NECAB1: variants seen among roughly 807,000 people sequenced by gnomAD.
NECAB1 encodes N-terminal EF-hand calcium binding protein 1.
NECAB1 carries 29 observed loss-of-function variants against 57.5 expected under a neutral mutation model. That is an observed-to-expected ratio of 0.50 (90% confidence interval 0.38 to 0.69). The LOEUF (loss-of-function observed/expected upper bound fraction) is 0.69. Ranked by LOEUF, NECAB1 falls within the 30% of genes least tolerant of loss-of-function variation. The probability of loss-of-function intolerance (pLI) is 0.00; values close to 1 mark genes in which losing one functional copy is unlikely to be tolerated. For missense variants in NECAB1, 372 were observed against 413.8 expected (o/e 0.90, Z 0.88); for synonymous variants, 142 against 147.7 (o/e 0.96, Z 0.28).
chr8:90,874,593 T>G (rs1808680436), intron 4 of NECAB1, among the ~76,000 whole-genome samples: 1 of 152,184 alleles, frequency 6.6e-6, no homozygotes, highest in Non-Finnish European at 1.5e-5. Flanking sequence ...GTGTTGTTGT[T>G]TTTTCCAACA....
intron 1 of NECAB1, among the ~76,000 whole-genome samples, chr8:90,794,367 T>G (rs1811625875): frequency 6.6e-6 from 1 of 152,198 alleles, no homozygotes; most frequent in Non-Finnish European, 1.5e-5. Context: ...AAAATTATCT[T>G]CATATTATAA....
At chr8:90,906,879 A>ATATATATG (rs1268721889) in intron 5 of NECAB1, among the ~76,000 whole-genome samples, 1 of 89,144 alleles carries the variant, frequency 1.1e-5, no homozygotes, top group African/African-American at 5.9e-5. Context: ...ATATACACAT[A>ATATATATG]TATATATATA....
At chr8:90,898,560 G>C (rs1175677865) in intron 5 of NECAB1, among the ~76,000 whole-genome samples, 2 of 152,112 alleles carry the variant, frequency 1.3e-5, no homozygotes, top group African/African-American at 4.8e-5. Flanking sequence ...TTGCTGCTTG[G>C]ACTGTGCTTC....
intron 1 of NECAB1, among the ~76,000 whole-genome samples, chr8:90,794,078 T>C (rs1354701708): frequency 6.6e-6 from 1 of 152,118 alleles, no homozygotes; most frequent in East Asian, 1.9e-4. Flanking sequence ...TTGACATGCT[T>C]GTTTGTCGGT....
chr8:90,795,133 C>A (rs1193808587), intron 1 of NECAB1, among the ~76,000 whole-genome samples: 1 of 152,236 alleles, frequency 6.6e-6, no homozygotes, highest in Non-Finnish European at 1.5e-5. Flanking sequence ...TTGCTGCAAT[C>A]CAGTTAACAG....
At chr8:90,821,571 C>T (rs1812144445) in intron 2 of NECAB1, among the ~76,000 whole-genome samples, 1 of 151,776 alleles carries the variant, frequency 6.6e-6, no homozygotes, top group Non-Finnish European at 1.5e-5. Flanking sequence ...TACTCTTTCT[C>T]TTTAAAGATC....
intron 2 of NECAB1, among the ~76,000 whole-genome samples, chr8:90,805,555 GC>G (rs1404022813): frequency 1.3e-5 from 2 of 151,408 alleles, no homozygotes; most frequent in African/African-American, 4.8e-5. Flanking sequence ...CATAAAGATA[GC>G]CTTCAGAGTA....
chr8:90,922,486 A>AGTGTTTTTTTTTTTTTTTTTTTTTTTT (rs1554576090), intron 6 of NECAB1, among the ~76,000 whole-genome samples: 1 of 57,520 alleles, frequency 1.7e-5, no homozygotes, highest in African/African-American at 5.9e-5. Flanking sequence ...AAAAACTTGG[A>AGTGTTTTTTTTTTTTTTTTTTTTTTTT]TTTTTTTTTT....
chr8:90,925,299 T>C (rs1460306100), intron 6 of NECAB1, among the ~76,000 whole-genome samples: 2 of 152,206 alleles, frequency 1.3e-5, no homozygotes, highest in East Asian at 1.9e-4. Context: ...TACCTTAAAT[T>C]ACAATTTTTA....
At chr8:90,872,467 T>C in intron 4 of NECAB1, 1 of 230,236 alleles carries the variant, frequency 4.3e-6, no homozygotes, top group Non-Finnish European at 8.4e-6. Context: ...TACAACTTCA[T>C]TATTCTCTGC....
Position 90,925,557 on chromosome 8 carries a change from G to A in NECAB1, c.517G>A (p.Val173Ile), listed in dbSNP as rs1337738343. ...QERQGPAKPE[V>I]LSIQWPGKRS... The stretch of plus-strand genomic sequence containing the variant: ...AAGGCAAGGGCCAGCCAAGCCAGAA[G>A]TCCTGTCGATTCAATGGCCTGGAAA... Residue 173 changes from valine (V) to isoleucine (I), a missense_variant, in exon 7 of 13, where the codon GTC (valine) becomes ATC (isoleucine). Coordinates refer to ENST00000417640, the MANE Select transcript of NECAB1 (RefSeq NM_022351.5). The A allele has an allele frequency of 6.2e-7, 1 of 1,613,048 alleles. No homozygotes were observed. The highest frequency in any genetic ancestry group is 8.5e-7 in the Non-Finnish European group (1 of 1,179,540).
chr8:90,922,485 G>GTTTTTTTTTTTTTTTTTTTTTTT (rs1586127873), intron 6 of NECAB1, among the ~76,000 whole-genome samples: 21 of 65,190 alleles, frequency 3.2e-4, no homozygotes, highest in East Asian at 1.0e-3. Flanking sequence ...CAAAAACTTG[G>GTTTTTTTTTTTTTTTTTTTTTTT]ATTTTTTTTT....
chr8:90,833,638 G>T (rs1212526877), intron 3 of NECAB1, among the ~76,000 whole-genome samples: 2 of 152,274 alleles, frequency 1.3e-5, no homozygotes, highest in East Asian at 1.9e-4. Flanking sequence ...GAAGCTAGAT[G>T]AATGATTTAT....
At chr8:90,854,446 T>C (rs1407118754) in intron 3 of NECAB1, among the ~76,000 whole-genome samples, 5 of 152,208 alleles carry the variant, frequency 3.3e-5, no homozygotes, top group Admixed American at 2.6e-4. Flanking sequence ...AGACTAAGCA[T>C]GATGTGTAAA....
At chr8:90,902,972 A>G (rs573738771) in intron 5 of NECAB1, among the ~76,000 whole-genome samples, 2 of 152,198 alleles carry the variant, frequency 1.3e-5, no homozygotes, top group Non-Finnish European at 2.9e-5. Context: ...ATATTCAACA[A>G]TATGAGATTG....
chr8:90,912,392 G>T (rs1314374743), intron 5 of NECAB1, among the ~76,000 whole-genome samples: 1 of 152,122 alleles, frequency 6.6e-6, no homozygotes, highest in Non-Finnish European at 1.5e-5. Context: ...CAACGTAAAG[G>T]TCTTAATATA....
At chr8:90,882,711 A>G (rs1484214413) in intron 5 of NECAB1, among the ~76,000 whole-genome samples, 2 of 152,158 alleles carry the variant, frequency 1.3e-5, no homozygotes. Context: ...GCAATTTATC[A>G]TAATCAGTGA....
chr8:90,878,215 A>G (rs1808765434), intron 4 of NECAB1, among the ~76,000 whole-genome samples: 3 of 152,002 alleles, frequency 2.0e-5, no homozygotes. Flanking sequence ...AACAATGATT[A>G]TGTGTATTGC....
At chr8:90,902,694 T>C (rs1411645539) in intron 5 of NECAB1, among the ~76,000 whole-genome samples, 1 of 152,052 alleles carries the variant, frequency 6.6e-6, no homozygotes, top group Non-Finnish European at 1.5e-5. Flanking sequence ...ATAATGCCAA[T>C]TGTTCAAAAA....
Sources: gnomAD v4.1 joint callset for allele counts (sites outside exome capture counted in the v4.1 genomes callset) on GRCh38, gnomAD v4.1.1 for gene constraint, MANE v1.5 for transcripts, NCBI Gene and HGNC (gene_info 2026-07-23, HGNC 2026-07-21) for gene names.